Variants in CTIF observed in about 807,000 individuals in gnomAD.
The protein encoded by CTIF is CBP80/20-dependent translation initiation factor.
CTIF carries 21 observed loss-of-function variants against 66.0 expected under a neutral mutation model. That is an observed-to-expected ratio of 0.32 (90% CI 0.23 to 0.46). The LOEUF (loss-of-function observed/expected upper bound fraction) is 0.46. CTIF is among the 20% of genes least tolerant of loss of function. CTIF has a pLI of 1.00. For missense variants in CTIF, 739 were observed against 812.7 expected (o/e 0.91, Z 1.10); for synonymous variants, 345 against 326.4 (o/e 1.06, Z -0.62).
At chr18:48,721,054 G>T (rs1415290253) in intron 7 of CTIF, among the ~76,000 whole-genome samples, 1 of 152,152 alleles carries the variant, frequency 6.6e-6, no homozygotes, top group Non-Finnish European at 1.5e-5. Context: ...AACCCCCTGT[G>T]CCCACCAGGC....
intron 1 of CTIF, among the ~76,000 whole-genome samples, chr18:48,547,689 T>G (rs1327708744): frequency 6.6e-6 from 1 of 152,246 alleles, no homozygotes; most frequent in East Asian, 1.9e-4. Flanking sequence ...TTCACCATCC[T>G]GCTTGCTTCT....
At chr18:48,842,994 C>A (rs972243361) in intron 10 of CTIF, among the ~76,000 whole-genome samples, 5 of 152,160 alleles carry the variant, frequency 3.3e-5, no homozygotes, top group African/African-American at 1.2e-4. Flanking sequence ...CCTGCCCTAC[C>A]CTTCTGCTTG....
At chr18:48,716,525 TAAG>T (rs750648758) in intron 7 of CTIF, among the ~76,000 whole-genome samples, 5 of 151,782 alleles carry the variant, frequency 3.3e-5, no homozygotes, top group Admixed American at 6.6e-5. Flanking sequence ...CCTCTGCATC[TAAG>T]CAGGCTCTGG....
chr18:48,668,663 A>G (rs1206334901), intron 5 of CTIF, among the ~76,000 whole-genome samples: 2 of 151,926 alleles, frequency 1.3e-5, no homozygotes, highest in African/African-American at 2.4e-5. Flanking sequence ...GGCACCACAC[A>G]TGCTCCTAAC....
At chr18:48,643,409 A>C (rs1414348302) in intron 3 of CTIF, among the ~76,000 whole-genome samples, 1 of 152,212 alleles carries the variant, frequency 6.6e-6, no homozygotes, top group African/African-American at 2.4e-5. Context: ...AAATGGGGAA[A>C]CACAGCAAGG....
At chr18:48,788,963 T>C (rs1035357326) in intron 9 of CTIF, among the ~76,000 whole-genome samples, 2 of 152,046 alleles carry the variant, frequency 1.3e-5, no homozygotes, top group African/African-American at 4.8e-5. Context: ...ATAGCACACC[T>C]CTTAGGCCTG....
intron 9 of CTIF, among the ~76,000 whole-genome samples, chr18:48,801,970 A>G (rs889920164): frequency 6.6e-6 from 1 of 152,238 alleles, no homozygotes; most frequent in Admixed American, 6.5e-5. Context: ...AGTTTCTCAC[A>G]TAGCAGAATA....
intron 9 of CTIF, among the ~76,000 whole-genome samples, chr18:48,798,897 G>A (rs1470549743): frequency 6.6e-6 from 1 of 152,198 alleles, no homozygotes; most frequent in Non-Finnish European, 1.5e-5. Context: ...TGCCTACGGT[G>A]CACAGGACAG....
At chr18:48,664,834 GGCGGTGGCACAGAGGACAGGCCCACCCCA>G (rs2091409022) in intron 5 of CTIF, among the ~76,000 whole-genome samples, 1 of 152,100 alleles carries the variant, frequency 6.6e-6, no homozygotes, top group Non-Finnish European at 1.5e-5. Flanking sequence ...GAATCACCTG[GGCGGTGGCACAGAGGACAGGCCCACCCCA>G]GAGTCTGTGA....
At chr18:48,767,405 C>T (rs1474010299) in intron 9 of CTIF, among the ~76,000 whole-genome samples, 1 of 152,166 alleles carries the variant, frequency 6.6e-6, no homozygotes, top group African/African-American at 2.4e-5. Flanking sequence ...TCTGGGAATG[C>T]TCCTTTGCTG....
At position 48,859,652 on chromosome 18, in the gene CTIF, G is replaced by T. The variant is rs542119108; in HGVS notation, c.*93G>T. 1.6e-6 allele frequency: 2 copies of T among 1,236,984 alleles called. No homozygotes were observed. The highest frequency in any genetic ancestry group is 2.4e-6 in the Non-Finnish European group (2 of 846,492). 76.6% of individuals were successfully genotyped at this position (1,236,984 alleles called of 1,614,324 possible). ...GCGGGAGGACAGGGGTGGCCCTGGC[G>T]GGAGAAAGAAATGGGGAGGAGGGCA... On this transcript the variant is annotated 3_prime_UTR_variant, in exon 12 of 12. Transcript: ENST00000256413.
In CTIF at chr18:48,668,119, A is replaced by T. The variant is rs144079668; in HGVS notation, c.432-2550A>T. Among the ~76,000 whole-genome samples the T allele has an allele frequency of 4.9e-3, 740 of 152,290 alleles. 12 individuals carry two copies. The highest frequency in any genetic ancestry group is 0.017 in the African/African-American group (704 of 41,556). ...CTCTGGGGAGATCTGAGCCCTGACG[A>T]GGGCAGGCCTCGTGGGACAGCAGCC... On this transcript the variant is annotated intron_variant, in intron 5 of 11. Coordinates refer to ENST00000256413, the MANE Select transcript of CTIF (RefSeq NM_014772.3).
At chr18:48,633,719 A>G (rs2090763041) in intron 2 of CTIF, among the ~76,000 whole-genome samples, 1 of 151,640 alleles carries the variant, frequency 6.6e-6, no homozygotes, top group Non-Finnish European at 1.5e-5. Flanking sequence ...AAATAAATAA[A>G]TAAATAAATA....
At chr18:48,764,873 G>C (rs1909369411) in intron 9 of CTIF, among the ~76,000 whole-genome samples, 1 of 152,200 alleles carries the variant, frequency 6.6e-6, no homozygotes, top group South Asian at 2.1e-4. Context: ...GCTAGACAAG[G>C]CCCTTTCAGC....
Position 48,859,665 on chromosome 18 carries a change from G to A in CTIF, c.*106G>A. 9.6e-7 allele frequency: 1 copy of A among 1,046,952 alleles called. No individual in the cohort carries two copies. The highest frequency in any genetic ancestry group is 1.5e-6 in the Non-Finnish European group (1 of 681,080). The allele number at this position is 1,046,952 out of a possible 1,614,324, so 64.9% of individuals were successfully genotyped here. On this transcript the variant is annotated 3_prime_UTR_variant, in exon 12 of 12. Coordinates refer to ENST00000256413, the MANE Select transcript of CTIF (RefSeq NM_014772.3). ...GGTGGCCCTGGCGGGAGAAAGAAAT[G>A]GGGAGGAGGGCAGGCAGAGTCGGTG...
intron 6 of CTIF, among the ~76,000 whole-genome samples, chr18:48,703,360 C>T (rs1306777881): frequency 6.6e-6 from 1 of 152,158 alleles, no homozygotes; most frequent in Non-Finnish European, 1.5e-5. Context: ...GTGTGGCCAC[C>T]TCCTGCCTGG....
At chr18:48,620,714 G>A (rs908383608) in intron 2 of CTIF, among the ~76,000 whole-genome samples, 20 of 152,202 alleles carry the variant, frequency 1.3e-4, no homozygotes, top group South Asian at 2.1e-4. Context: ...TCCGCCTCTC[G>A]TGCGTGTTAT....
At chr18:48,561,254 AAGG>A (rs1353436773) in intron 1 of CTIF, among the ~76,000 whole-genome samples, 1 of 151,666 alleles carries the variant, frequency 6.6e-6, no homozygotes, top group Non-Finnish European at 1.5e-5. Context: ...AAAAAAAAAA[AAGG>A]AGTGTTTATA....
intron 7 of CTIF, among the ~76,000 whole-genome samples, chr18:48,747,789 G>A (rs893784479): frequency 2.0e-5 from 3 of 150,994 alleles, no homozygotes; most frequent in Non-Finnish European, 2.9e-5. Flanking sequence ...ATGATGTCAC[G>A]AGCCTGTAGT....
Sources: gnomAD v4.1 joint callset for allele counts (sites outside exome capture counted in the v4.1 genomes callset) on GRCh38, gnomAD v4.1.1 for gene constraint, MANE v1.5 for transcripts, NCBI Gene and HGNC (gene_info 2026-07-23, HGNC 2026-07-21) for gene names.